GBF1: variants seen among roughly 807,000 people sequenced by gnomAD.
GBF1 encodes the protein Golgi-specific brefeldin A-resistance guanine nucleotide exchange factor 1.
Under a neutral mutation model 210.5 loss-of-function variants are expected in GBF1, and 114 were observed. The ratio of observed to expected loss-of-function variants is 0.54; its 90% CI spans 0.47 to 0.63. GBF1 has a LOEUF of 0.63. Ranked by LOEUF, GBF1 falls within the 30% of genes least tolerant of loss-of-function variation. GBF1 has a pLI of 0.00. For synonymous variants in GBF1, 850 were observed against 889.2 expected, an observed-to-expected ratio of 0.96 and a Z score of 0.78; for missense variants, 1,851 against 2,357.7, an observed-to-expected ratio of 0.79 and a Z score of 4.45.
chr10:102,364,004 T>C (rs1345972656), intron 17 of GBF1, among the ~76,000 whole-genome samples: 1 of 152,092 alleles, frequency 6.6e-6, no homozygotes, highest in Non-Finnish European at 1.5e-5. Flanking sequence ...ACCCTATGTA[T>C]GCCCCTGCGC....
chr10:102,292,388 G>A (rs897980624), intron 3 of GBF1, among the ~76,000 whole-genome samples: 5 of 150,762 alleles, frequency 3.3e-5, no homozygotes, highest in Non-Finnish European at 7.4e-5. Flanking sequence ...TTAAAGACAG[G>A]GCCTTGCTGT....
chr10:102,359,240 C>G, intron 10 of GBF1, 27 bp from the exon 11 acceptor site: 2 of 1,567,536 alleles, frequency 1.3e-6, no homozygotes, highest in African/African-American at 2.7e-5. Context: ...CATCCCTCTT[C>G]CCATATCTCC....
chr10:102,376,385 C>G lies in GBF1; in HGVS notation c.4000C>G (p.His1334Asp). The G allele has an allele frequency of 6.2e-7, 1 of 1,614,172 alleles. No homozygotes were observed. Among genetic ancestry groups the G allele is most frequent in the Non-Finnish European group, 8.5e-7 (1 of 1,180,022 alleles). The change falls in exon 31 of 40, where the codon CAC becomes GAC. Residue 1334 changes from histidine (H) to aspartate (D), a missense_variant. Physicochemically the swap from His to Asp is moderately conservative, Grantham distance 81 (BLOSUM62 -1). Transcript: ENST00000369983. The part of the protein sequence containing the change: ...YTDHGRPGKI[H>D]RSATDADVVN... Reference sequence around the variant, plus strand: ...TGACCATGGCAGGCCGGGCAAGATACACCGATCAGCCACAGATGCCGATGT... The same window carrying G: ...TGACCATGGCAGGCCGGGCAAGATAGACCGATCAGCCACAGATGCCGATGT...
At chr10:102,251,253 G>C (rs761042059) in intron 1 of GBF1, among the ~76,000 whole-genome samples, 19 of 152,266 alleles carry the variant, frequency 1.2e-4, no homozygotes, top group Non-Finnish European at 2.2e-4. Flanking sequence ...ACTTCTGGTA[G>C]AGAAGCAAAT....
chr10:102,257,437 T>A (rs1461163210), intron 1 of GBF1, among the ~76,000 whole-genome samples: 1 of 151,734 alleles, frequency 6.6e-6, no homozygotes, highest in Non-Finnish European at 1.5e-5. Context: ...GCCTCCCCAG[T>A]AACTAGAACT....
intron 4 of GBF1, among the ~76,000 whole-genome samples, chr10:102,344,609 G>A (rs189063727): frequency 6.6e-6 from 1 of 151,802 alleles, no homozygotes; most frequent in East Asian, 2.0e-4. Flanking sequence ...GCCTCCCGAG[G>A]AGCTGGGACT....
Position 102,344,129 on chromosome 10 carries a change from T to C in GBF1, c.242T>C (p.Ile81Thr). ...CGCTCTGAAGATACCACTGGCCCTA[T>C]CACTGGACTGGCACTCACCTCTGTC... ...VIRSEDTTGP[I>T]TGLALTSVNK... The change falls in exon 4 of 40, where the codon ATC becomes ACC. Residue 81 changes from isoleucine to threonine, a missense_variant. Ile to Thr is a moderately conservative substitution (Grantham distance 89). Around this residue, in one of 3 missense-constraint regions of GBF1, gnomAD observed 804 missense variants for 958.6 expected, o/e 0.84. Coordinates refer to ENST00000369983, the MANE Select transcript of GBF1 (RefSeq NM_001377137.1). 2.5e-6 allele frequency: 4 copies of C among 1,613,196 alleles called. No individual in the cohort carries two copies. Among genetic ancestry groups the C allele is most frequent in the Non-Finnish European group, 3.4e-6 (4 of 1,179,108 alleles).
intron 3 of GBF1, among the ~76,000 whole-genome samples, chr10:102,307,773 G>T (rs1433537872): frequency 1.3e-5 from 2 of 151,988 alleles, no homozygotes; most frequent in Non-Finnish European, 2.9e-5. Context: ...CTGACTGAGT[G>T]ACAGAGCAAG....
At chr10:102,313,639 G>T (rs2078679002) in intron 3 of GBF1, among the ~76,000 whole-genome samples, 1 of 152,124 alleles carries the variant, frequency 6.6e-6, no homozygotes, top group South Asian at 2.1e-4. Context: ...GAATGAACTG[G>T]CTTTTCCACT....
chr10:102,343,912 T>C, intron 3 of GBF1, 139 bp from the exon 4 acceptor site: 1 of 612,972 alleles, frequency 1.6e-6, no homozygotes, highest in South Asian at 2.1e-5. Flanking sequence ...TGTCTGGGAT[T>C]TGATTCAAGG....
At chr10:102,290,877 C>T (rs2076375774) in intron 3 of GBF1, among the ~76,000 whole-genome samples, 1 of 152,150 alleles carries the variant, frequency 6.6e-6, no homozygotes, top group African/African-American at 2.4e-5. Context: ...TATGCTGCAT[C>T]CTATATTGAG....
intron 7 of GBF1, 71 bp downstream of exon 7, chr10:102,352,589 C>G (rs1035787188): frequency 4.7e-6 from 5 of 1,053,612 alleles, no homozygotes; most frequent in African/African-American, 3.1e-5. Flanking sequence ...CACACAGCCA[C>G]GTCAGGGACC....
chr10:102,370,634 G>A, intron 28 of GBF1, 73 bp from the exon 29 acceptor site: 1 of 1,496,458 alleles, frequency 6.7e-7, no homozygotes, highest in Non-Finnish European at 9.3e-7. Context: ...AATGAGTCCT[G>A]AAAGGCCTAG....
the GBF1 span, among the ~76,000 whole-genome samples, chr10:102,238,214 A>T: frequency 6.6e-6 from 1 of 152,120 alleles, no homozygotes; most frequent in Non-Finnish European, 1.5e-5. Flanking sequence ...GACACCCTAG[A>T]CACCCCAAAG....
chr10:102,231,498 G>A, the GBF1 span: 11 of 845,226 alleles, frequency 1.3e-5, no homozygotes, highest in South Asian at 1.7e-4. Context: ...CCGAGGGAGG[G>A]GGCAGGTGGG....
intron 3 of GBF1, among the ~76,000 whole-genome samples, chr10:102,340,481 G>A (rs1034632189): frequency 6.6e-6 from 1 of 151,150 alleles, no homozygotes; most frequent in East Asian, 1.9e-4. Context: ...CACCGTGTTA[G>A]CCAGGATGGT....
At chr10:102,358,269 CAACT>C (rs1323263980) in intron 9 of GBF1, 83 bp downstream of exon 9, 7 of 1,246,876 alleles carry the variant, frequency 5.6e-6, no homozygotes, top group South Asian at 2.7e-5. Context: ...GAAGACCAAC[CAACT>C]GAGGGGCTTT....
intron 3 of GBF1, among the ~76,000 whole-genome samples, chr10:102,279,243 G>C (rs1234767754): frequency 6.6e-6 from 1 of 152,194 alleles, no homozygotes; most frequent in Non-Finnish European, 1.5e-5. Flanking sequence ...AATGAGGCTT[G>C]ACTTGGAACT....
chr10:102,278,164 G>A (rs2075159801), intron 3 of GBF1, among the ~76,000 whole-genome samples: 1 of 151,992 alleles, frequency 6.6e-6, no homozygotes, highest in Non-Finnish European at 1.5e-5. Context: ...AGGCTGAGGT[G>A]GGAGGACTGC....
Sources: allele counts gnomAD v4.1 joint callset (sites outside exome capture counted in the v4.1 genomes callset), GRCh38; gene constraint gnomAD v4.1.1; regional missense constraint gnomAD v4.1.1; transcripts MANE v1.5; gene names NCBI Gene and HGNC (gene_info 2026-07-23, HGNC 2026-07-21).